Variants in ADAMTS20 observed in about 807,000 individuals in gnomAD.
ADAMTS20 encodes the protein A disintegrin and metalloproteinase with thrombospondin motifs 20.
ADAMTS20 carries 225 observed loss-of-function variants against 260.1 expected under a neutral mutation model. The observed-to-expected ratio is 0.87, with a 90% confidence interval of 0.78 to 0.97. The LOEUF is 0.97. Among genes scored for constraint, ADAMTS20 ranks in the 50% least tolerant of loss-of-function variants. The probability of loss-of-function intolerance (pLI) is 0.00; values close to 1 mark genes in which losing one functional copy is unlikely to be tolerated. For missense variants in ADAMTS20, 2,400 were observed against 2,337.7 expected, an observed-to-expected ratio of 1.03 and a Z score of -0.55; for synonymous variants, 802 against 769.5, an observed-to-expected ratio of 1.04 and a Z score of -0.70.
intron 15 of ADAMTS20, among the ~76,000 whole-genome samples, chr12:43,445,098 C>T (rs1941736707): frequency 6.6e-6 from 1 of 151,892 alleles, no homozygotes; most frequent in Non-Finnish European, 1.5e-5. Context: ...GAAAGCAAGC[C>T]TAAGGCATTG....
At chr12:43,519,929 A>C (rs1436712811) in intron 3 of ADAMTS20, among the ~76,000 whole-genome samples, 1 of 152,190 alleles carries the variant, frequency 6.6e-6, no homozygotes, top group Admixed American at 6.6e-5. Flanking sequence ...TGGTCATCAA[A>C]TAATCCCAAT....
chr12:43,460,994 T>A (rs1050704699), intron 11 of ADAMTS20, among the ~76,000 whole-genome samples: 4,105 of 59,714 alleles, frequency 0.069, 125 homozygotes, highest in Non-Finnish European at 0.082. Flanking sequence ...ATATATTTTT[T>A]TTTTTTTTTT....
chr12:43,459,117 G>T (rs1303311942), intron 11 of ADAMTS20, among the ~76,000 whole-genome samples: 1 of 152,132 alleles, frequency 6.6e-6, no homozygotes, highest in Non-Finnish European at 1.5e-5. Context: ...TCTTGCAGCT[G>T]CACTCTTCTG....
At chr12:43,448,101 A>G (rs1479253575) in intron 14 of ADAMTS20, among the ~76,000 whole-genome samples, 1 of 152,218 alleles carries the variant, frequency 6.6e-6, no homozygotes, top group Non-Finnish European at 1.5e-5. Context: ...TTTCTATAAA[A>G]CTACCATTAA....
intron 7 of ADAMTS20, among the ~76,000 whole-genome samples, chr12:43,472,726 C>T (rs1166014096): frequency 2.0e-5 from 3 of 149,638 alleles, no homozygotes; most frequent in African/African-American, 5.0e-5. Flanking sequence ...ATTTCATATC[C>T]AGCCAAACTA....
At chr12:43,513,721 C>A (rs975876890) in intron 3 of ADAMTS20, among the ~76,000 whole-genome samples, 2 of 152,016 alleles carry the variant, frequency 1.3e-5, no homozygotes, top group African/African-American at 4.8e-5. Context: ...CCATGGAATA[C>A]TATGCAGCCA....
At chr12:43,384,588 T>C (rs1940430303) in intron 29 of ADAMTS20, among the ~76,000 whole-genome samples, 2 of 152,228 alleles carry the variant, frequency 1.3e-5, no homozygotes. Context: ...TTTCTCCTAA[T>C]GCAATGCCTC....
chr12:43,461,596 G>A (rs1024138119), intron 11 of ADAMTS20, among the ~76,000 whole-genome samples: 3 of 152,074 alleles, frequency 2.0e-5, no homozygotes, highest in African/African-American at 7.2e-5. Flanking sequence ...AACAGAGGAA[G>A]GTGCCAGTCC....
intron 2 of ADAMTS20, among the ~76,000 whole-genome samples, chr12:43,536,462 G>A (rs536560427): frequency 6.6e-6 from 1 of 152,056 alleles, no homozygotes; most frequent in African/African-American, 2.4e-5. Flanking sequence ...ATGGAAAAAG[G>A]CAACCAATAA....
chr12:43,439,885 C>T lies in ADAMTS20; in HGVS notation c.2463+12G>A. ...TAAATCCAAGTGTTATTACTGATGA[C>T]TGAGAATTTACCTGCAAAATAAGTT... On this transcript the variant is annotated intron_variant, in intron 17 of 38. Coordinates refer to ENST00000389420, the MANE Select transcript of ADAMTS20 (RefSeq NM_025003.5). 1.9e-6 allele frequency: 3 copies of T among 1,600,174 alleles called. No individual in the cohort carries two copies. Among genetic ancestry groups the T allele is most frequent in the Non-Finnish European group, 2.6e-6 (3 of 1,172,536 alleles).
intron 37 of ADAMTS20, among the ~76,000 whole-genome samples, chr12:43,367,159 A>G (rs1260384993): frequency 6.6e-6 from 1 of 151,958 alleles, no homozygotes; most frequent in Non-Finnish European, 1.5e-5. Context: ...CTCTTCCCAA[A>G]CAGTACAAGA....
At position 43,428,781 on chromosome 12, in the gene ADAMTS20, T is replaced by G. The variant is rs761735527; in HGVS notation, c.3508A>C (p.Arg1170=). 1.2e-6 allele frequency: 2 copies of G among 1,606,096 alleles called. No individual in the cohort carries two copies. Among genetic ancestry groups the G allele is most frequent in the African/African-American group, 2.7e-5 (2 of 74,666 alleles). ...CTTACATAGCGGGCTTGAGTACCTC[T>G]TCCACAAGATACGGAGCACTTTTTA... is the stretch of plus-strand genomic sequence containing the variant. ...SWTPCSVSCG[R]GTQARYVSCR... The change falls in exon 25 of 39, where the codon AGA becomes CGA. Residue 1170 remains arginine (R), a synonymous_variant. Transcript: ENST00000389420.
Position 43,427,447 on chromosome 12 carries a change from C to T in ADAMTS20, c.3968G>A (p.Gly1323Asp). The change falls in exon 27 of 39, where the codon GGT becomes GAT. Residue 1323 changes from glycine (G) to aspartate (D), a missense_variant. Coordinates refer to ENST00000389420, the MANE Select transcript of ADAMTS20 (RefSeq NM_025003.5). ...WGSCSSSCSG[G>D]LQHRAVVCQD... ...GCAGACCACAGCCCTATGCTGAAGA[C>T]CTCCAGAACAACTGCTGGAGCACTG... 6.2e-7 allele frequency: 1 copy of T among 1,611,912 alleles called. No homozygotes were observed. Among genetic ancestry groups the T allele is most frequent in the South Asian group, 1.1e-5 (1 of 90,672 alleles).
At chr12:43,493,042 T>C in intron 5 of ADAMTS20, 128 bp downstream of exon 5, 1 of 694,038 alleles carries the variant, frequency 1.4e-6, no homozygotes, top group East Asian at 2.7e-5. Flanking sequence ...GTAATCTCAT[T>C]CCTTCTCAAA....
At chr12:43,435,901 C>A (rs1415287641) in intron 18 of ADAMTS20, among the ~76,000 whole-genome samples, 2 of 151,932 alleles carry the variant, frequency 1.3e-5, no homozygotes, top group Non-Finnish European at 2.9e-5. Context: ...ATGCTTTCTG[C>A]AATGAGGAGA....
chr12:43,385,050 T>C (rs150548578), intron 29 of ADAMTS20, among the ~76,000 whole-genome samples: 2 of 152,352 alleles, frequency 1.3e-5, no homozygotes, highest in Non-Finnish European at 2.9e-5. Flanking sequence ...CCACAATGAT[T>C]GAACTAATTT....
In ADAMTS20 at chr12:43,492,775, A is replaced by G. The variant is rs1942622995; in HGVS notation, c.952-146T>C. The G allele has an allele frequency of 4.5e-6, 4 of 894,610 alleles. No homozygotes were observed. In the South Asian group the frequency reaches 5.5e-5, roughly 12 times the overall value. The allele number at this position is 894,610 out of a possible 1,614,324, so 55.4% of individuals were successfully genotyped here. ...AGCATCTCTTCTTCATATATTAACT[A>G]TAACGTATTTTAGCAATATCTAAAA... On this transcript the variant is annotated intron_variant, in intron 5 of 38. Transcript: ENST00000389420.
chr12:43,534,723 A>C (rs1166333037), intron 2 of ADAMTS20, among the ~76,000 whole-genome samples: 1 of 152,214 alleles, frequency 6.6e-6, no homozygotes, highest in East Asian at 1.9e-4. Flanking sequence ...AAAACAAAAA[A>C]AACTACTAAA....
chr12:43,421,954 T>C (rs952691067), intron 28 of ADAMTS20, among the ~76,000 whole-genome samples: 2 of 151,918 alleles, frequency 1.3e-5, no homozygotes, highest in Admixed American at 6.6e-5. Context: ...ATATTAATAA[T>C]ATAAGATCTG....
Sources: gnomAD v4.1 joint callset for allele counts (sites outside exome capture counted in the v4.1 genomes callset) on GRCh38, gnomAD v4.1.1 for gene constraint, MANE v1.5 for transcripts, NCBI Gene and HGNC (gene_info 2026-07-23, HGNC 2026-07-21) for gene names.